LEKR1: variants seen among roughly 807,000 people sequenced by gnomAD.
LEKR1 encodes the protein protein LEKR1.
LEKR1 carries 59 observed loss-of-function variants against 72.4 expected under a neutral mutation model. The ratio of observed to expected loss-of-function variants is 0.82; its 90% CI spans 0.66 to 1.01. LEKR1 has a LOEUF of 1.01. Among genes scored for constraint, LEKR1 ranks in the 50% least tolerant of loss-of-function variants. The pLI, the probability that LEKR1 is intolerant of heterozygous loss-of-function variation, is 0.00. For missense variants in LEKR1, 728 were observed against 759.2 expected, an observed-to-expected ratio of 0.96 and a Z score of 0.48; for synonymous variants, 257 against 263.2, an observed-to-expected ratio of 0.98 and a Z score of 0.23.
chr3:157,012,849 G>A (rs1466029428), intron 10 of LEKR1, among the ~76,000 whole-genome samples: 1 of 151,926 alleles, frequency 6.6e-6, no homozygotes, highest in Non-Finnish European at 1.5e-5. Context: ...TAGCCTCAGG[G>A]TATTCAACTG....
rs758840661 is a variant in LEKR1, at chr3:157,011,402, G to A, written c.1110-11G>A. 23 of 1,602,482 alleles carry A rather than the reference G, an allele frequency of 1.4e-5. No homozygotes were observed. Among genetic ancestry groups the A allele is most frequent in the Non-Finnish European group, 2.0e-5 (23 of 1,169,846 alleles). On this transcript the variant is annotated splice_polypyrimidine_tract_variant and intron_variant, in intron 9 of 12. Coordinates refer to ENST00000356539, the MANE Select transcript of LEKR1 (RefSeq NM_001004316.3). ...AAGTATTGACTCATTTGTCGGGTTT[G>A]TGATTTTCAGGGAATTGATGCTGAT...
intron 10 of LEKR1, among the ~76,000 whole-genome samples, chr3:157,015,290 AG>A (rs1733219779): frequency 6.6e-6 from 1 of 152,208 alleles, no homozygotes; most frequent in Non-Finnish European, 1.5e-5. Flanking sequence ...ATCTACAAAA[AG>A]TCCGCCTTGC....
At chr3:156,911,663 T>C (rs532971742) in intron 3 of LEKR1, among the ~76,000 whole-genome samples, 3 of 152,282 alleles carry the variant, frequency 2.0e-5, no homozygotes, top group African/African-American at 7.2e-5. Context: ...TTAATCCATC[T>C]TGAGTTAATT....
rs376842420 is a variant in LEKR1, at chr3:156,900,961, C to CT, written c.264-19607dup. On this transcript the variant is annotated intron_variant, in intron 3 of 12. Transcript: ENST00000356539. ...TGGAAGTAGCCATAATAATTCACACCTTTTTTTGGTTATTTTTAATTTTTT... is the reference window on the plus strand; with the variant it reads ...TGGAAGTAGCCATAATAATTCACACCTTTTTTTTGGTTATTTTTAATTTTTT... 9.2e-3 allele frequency among the ~76,000 whole-genome samples: 1,401 copies of CT among 151,986 alleles called. 18 individuals carry two copies. Among genetic ancestry groups the CT allele is most frequent in the African/African-American group, 0.033 (1,354 of 41,456 alleles).
At chr3:157,008,376 C>T (rs924312798) in intron 9 of LEKR1, among the ~76,000 whole-genome samples, 1 of 152,174 alleles carries the variant, frequency 6.6e-6, no homozygotes, top group African/African-American at 2.4e-5. Flanking sequence ...ACTCTGTCCT[C>T]TGGCTGTATC....
At chr3:156,880,736 A>T (rs993227264) in intron 3 of LEKR1, among the ~76,000 whole-genome samples, 1 of 152,250 alleles carries the variant, frequency 6.6e-6, no homozygotes, top group African/African-American at 2.4e-5. Context: ...ATGAACATTG[A>T]TGCAAAAATC....
intron 6 of LEKR1, among the ~76,000 whole-genome samples, chr3:156,964,753 T>C (rs1023614331): frequency 1.1e-4 from 17 of 152,162 alleles, no homozygotes; most frequent in Admixed American, 3.3e-4. Flanking sequence ...CGTACAGGAA[T>C]CTCTGTAAGC....
intron 3 of LEKR1, among the ~76,000 whole-genome samples, chr3:156,879,360 G>T (rs1314871125): frequency 6.6e-6 from 1 of 152,124 alleles, no homozygotes; most frequent in Non-Finnish European, 1.5e-5. Context: ...CTAGAGATTT[G>T]TAGAACTTTG....
At chr3:156,833,079 A>G (rs1031178736) in intron 2 of LEKR1, among the ~76,000 whole-genome samples, 4 of 152,254 alleles carry the variant, frequency 2.6e-5, no homozygotes, top group African/African-American at 9.6e-5. Context: ...GTTAAAAGCT[A>G]TAAACAGCTC....
At chr3:157,028,432 T>A (rs1734364730) in intron 12 of LEKR1, 30 bp downstream of exon 12, 2 of 1,524,224 alleles carry the variant, frequency 1.3e-6, no homozygotes, top group East Asian at 4.6e-5. Flanking sequence ...AACTTTGCAA[T>A]TAATCAAAGA....
Position 157,030,040 on chromosome 3 carries a change from T to C in LEKR1, c.1668+1638T>C, listed in dbSNP as rs149312382. 4.3e-3 allele frequency among the ~76,000 whole-genome samples: 658 copies of C among 152,288 alleles called. 6 individuals carry two copies. Among genetic ancestry groups the C allele is most frequent in the African/African-American group, 0.015 (627 of 41,566 alleles). On this transcript the variant is annotated intron_variant, in intron 12 of 12. Transcript: ENST00000356539. ...AAAGAAAAGAGGTTTAGTTGGCTCA[T>C]GGTTCTGCAGGCTGAACAGGAAGCA...
At chr3:156,998,114 A>G (rs531315584) in intron 9 of LEKR1, among the ~76,000 whole-genome samples, 8 of 151,694 alleles carry the variant, frequency 5.3e-5, no homozygotes, top group African/African-American at 1.9e-4. Context: ...TCTTGTAAAG[A>G]CAGCCCTCAG....
At chr3:156,843,529 G>A (rs982691748) in intron 2 of LEKR1, among the ~76,000 whole-genome samples, 2 of 152,054 alleles carry the variant, frequency 1.3e-5, no homozygotes, top group Non-Finnish European at 2.9e-5. Flanking sequence ...AGCGATACAA[G>A]GGCTAGAGAG....
intron 2 of LEKR1, among the ~76,000 whole-genome samples, chr3:156,839,454 T>C (rs1713603516): frequency 6.6e-6 from 1 of 152,200 alleles, no homozygotes; most frequent in South Asian, 2.1e-4. Context: ...AAATTCCTTC[T>C]AGAGAAAACT....
intron 10 of LEKR1, among the ~76,000 whole-genome samples, chr3:157,011,751 A>G (rs187876945): frequency 2.0e-5 from 3 of 152,234 alleles, no homozygotes; most frequent in Non-Finnish European, 4.4e-5. Context: ...GTTCTCATGA[A>G]AAAGCATTTT....
rs542454060 is a variant in LEKR1, at chr3:156,998,073, T to C, written c.1109+4796T>C. 5.9e-5 allele frequency among the ~76,000 whole-genome samples: 9 copies of C among 151,860 alleles called. No homozygotes were observed. In the South Asian group the frequency reaches 1.5e-3, roughly 25 times the overall value. ...GGGATGCAGCAAGGCATAAGGATGA[T>C]GTCAGAGAAAAGTGTGGCCATTTTT... On this transcript the variant is annotated intron_variant, in intron 9 of 12. Coordinates refer to ENST00000356539, the MANE Select transcript of LEKR1 (RefSeq NM_001004316.3).
chr3:157,032,059 G>C (rs1392048513), intron 12 of LEKR1, among the ~76,000 whole-genome samples: 1 of 151,930 alleles, frequency 6.6e-6, no homozygotes. Context: ...GATTGGAAAG[G>C]AGGGAGGGAG....
chr3:156,880,532 C>A (rs924635320), intron 3 of LEKR1, among the ~76,000 whole-genome samples: 7 of 152,110 alleles, frequency 4.6e-5, no homozygotes, highest in African/African-American at 1.7e-4. Context: ...AAAAAGAGTC[C>A]AGGACCAGAT....
chr3:157,013,487 A>G (rs1041405166), intron 10 of LEKR1, among the ~76,000 whole-genome samples: 1 of 152,180 alleles, frequency 6.6e-6, no homozygotes. Flanking sequence ...ATGATTCTAT[A>G]TAATATTCTA....
Sources: gnomAD v4.1 joint callset for allele counts (sites outside exome capture counted in the v4.1 genomes callset) on GRCh38, gnomAD v4.1.1 for gene constraint, MANE v1.5 for transcripts, NCBI Gene and HGNC (gene_info 2026-07-23, HGNC 2026-07-21) for gene names.